Variants in SPEN observed in about 807,000 individuals in gnomAD.
The protein encoded by SPEN is spen family transcriptional repressor, also known as msx2-interacting protein.
A neutral mutation model predicts 269.9 loss-of-function variants in SPEN; 18 were observed. That is an observed-to-expected ratio of 0.07 (90% CI 0.05 to 0.10). The LOEUF is 0.10. SPEN is among the 10% of genes least tolerant of loss of function. SPEN has a pLI of 1.00. For synonymous variants in SPEN, 1,726 were observed against 1,765.7 expected (o/e 0.98, Z 0.56); for missense variants, 3,822 against 4,631.2 (o/e 0.83, Z 5.07).
intron 3 of SPEN, among the ~76,000 whole-genome samples, chr1:15,908,765 C>T (rs1408671676): frequency 1.3e-5 from 2 of 152,130 alleles, no homozygotes; most frequent in Admixed American, 1.3e-4. Context: ...TAATTATTTT[C>T]ATTTTACACA....
chr1:15,873,789 G>T (rs894059190), intron 2 of SPEN: 1 of 1,018,382 alleles, frequency 9.8e-7, no homozygotes, highest in African/African-American at 1.7e-5. Flanking sequence ...AAATTAAAAT[G>T]ATGGATGTTT....
chr1:15,867,398 A>T (rs1339774817), intron 1 of SPEN, among the ~76,000 whole-genome samples: 2 of 152,176 alleles, frequency 1.3e-5, no homozygotes, highest in Non-Finnish European at 2.9e-5. Context: ...GGGTTTCACC[A>T]TGTTGCGCAG....
intron 3 of SPEN, among the ~76,000 whole-genome samples, chr1:15,890,394 G>T (rs1241166401): frequency 6.6e-6 from 1 of 151,718 alleles, no homozygotes; most frequent in Non-Finnish European, 1.5e-5. Flanking sequence ...ACCACACCCA[G>T]CTAATTTTTG....
chr1:15,866,910 A>C (rs919810409), intron 1 of SPEN, among the ~76,000 whole-genome samples: 1 of 152,212 alleles, frequency 6.6e-6, no homozygotes. Context: ...CTTGTGACTA[A>C]AGGAGATATA....
intron 4 of SPEN, among the ~76,000 whole-genome samples, chr1:15,910,145 A>G (rs1031207464): frequency 2.0e-5 from 3 of 151,280 alleles, no homozygotes; most frequent in African/African-American, 7.3e-5. Flanking sequence ...AAAAAAAAAA[A>G]AAAAAATTAT....
chr1:15,902,207 G>C (rs1387391249), intron 3 of SPEN, among the ~76,000 whole-genome samples: 1 of 152,140 alleles, frequency 6.6e-6, no homozygotes, highest in African/African-American at 2.4e-5. Flanking sequence ...GGGATTACAG[G>C]CGTGAGCCAC....
At chr1:15,849,926 C>A (rs990682458) in intron 1 of SPEN, among the ~76,000 whole-genome samples, 1 of 152,166 alleles carries the variant, frequency 6.6e-6, no homozygotes, top group African/African-American at 2.4e-5. Context: ...TTGCAGCATT[C>A]GCTCGCTCCT....
intron 1 of SPEN, among the ~76,000 whole-genome samples, chr1:15,861,432 G>C (rs138014509): frequency 1.1e-3 from 170 of 152,148 alleles, no homozygotes; most frequent in African/African-American, 3.4e-3. Context: ...GCCTGGCCCA[G>C]ATACTTTTTT....
At chr1:15,879,936 C>T (rs1478975605) in intron 3 of SPEN, among the ~76,000 whole-genome samples, 5 of 152,194 alleles carry the variant, frequency 3.3e-5, no homozygotes, top group African/African-American at 1.2e-4. Context: ...TCCCAAAGTG[C>T]TGGGATTACA....
At position 15,930,387 on chromosome 1, in the gene SPEN, G is replaced by C; in HGVS notation, c.4147G>C (p.Asp1383His). 6.2e-7 allele frequency: 1 copy of C among 1,613,708 alleles called. No homozygotes were observed. Among genetic ancestry groups the C allele is most frequent in the South Asian group, 1.1e-5 (1 of 91,046 alleles). Reference protein sequence around the residue: ...LEPGEVPSDSDEDGEHKSHSP... With the variant: ...LEPGEVPSDSHEDGEHKSHSP... ...ACCTGGTGAGGTGCCTTCTGATTCTGACGAAGATGGTGAACACAAATCCCA... is the reference window on the plus strand; with the variant it reads ...ACCTGGTGAGGTGCCTTCTGATTCTCACGAAGATGGTGAACACAAATCCCA... Residue 1383 changes from aspartate (D) to histidine (H), a missense_variant, in exon 11 of 15, where the codon GAC (aspartate) becomes CAC (histidine). By Grantham distance (81) the Asp-to-His change is moderately conservative (BLOSUM62 -1). Around this residue, in one of 16 missense-constraint regions of SPEN, gnomAD observed 267 missense variants for 315.5 expected, o/e 0.85. Transcript: ENST00000375759. This position sits in a 1 kb window ranked among gnomAD's most constrained non-coding sequence, Gnocchi z 5.3.
Position 15,930,734 on chromosome 1 carries a change from G to A in SPEN, c.4494G>A (p.Lys1498=). The A allele has an allele frequency of 6.2e-7, 1 of 1,613,720 alleles. No homozygotes were observed. The highest frequency in any genetic ancestry group is 8.5e-7 in the Non-Finnish European group (1 of 1,179,870). The change falls in exon 11 of 15, where the codon AAG becomes AAA. Residue 1498 remains lysine, a synonymous_variant. Coordinates refer to ENST00000375759, the MANE Select transcript of SPEN (RefSeq NM_015001.3). This position sits in a 1 kb window ranked among gnomAD's most constrained non-coding sequence, Gnocchi z 5.3. ...TTCCATCCTGGTACATGAAAAAGAA[G>A]AAAATTAGGACTGATTCAGAAGGGA... The part of the protein sequence containing the change: ...RPIPSWYMKK[K]KIRTDSEGKM...
chr1:15,908,162 G>A (rs1003979139), intron 3 of SPEN, among the ~76,000 whole-genome samples: 29 of 151,532 alleles, frequency 1.9e-4, no homozygotes, highest in African/African-American at 7.1e-4. Context: ...TACCCATGAG[G>A]TAGTAGTGCT....
intron 2 of SPEN, chr1:15,874,288 G>C: frequency 7.3e-7 from 1 of 1,366,396 alleles, no homozygotes; most frequent in Non-Finnish European, 9.8e-7. Context: ...TGCCCATTAA[G>C]AAGGTGGATT....
chr1:15,926,358 A>C (rs149420571), intron 10 of SPEN, among the ~76,000 whole-genome samples: 19 of 151,768 alleles, frequency 1.3e-4, no homozygotes, highest in African/African-American at 4.6e-4. Flanking sequence ...AGATTGTGCC[A>C]CTGCACTCCA....
intron 7 of SPEN, 138 bp downstream of exon 7, chr1:15,919,189 G>T (rs2071093645): frequency 1.3e-6 from 1 of 795,526 alleles, no homozygotes; most frequent in African/African-American, 1.8e-5. Flanking sequence ...ATACTTCTTT[G>T]CATTCCTATC....
rs563720913 is a variant in SPEN, at chr1:15,932,077, C to G, written c.5837C>G (p.Thr1946Ser). The change falls in exon 11 of 15, where the codon ACC becomes AGC. Residue 1946 changes from threonine (T) to serine (S), a missense_variant. Coordinates refer to ENST00000375759, the MANE Select transcript of SPEN (RefSeq NM_015001.3). The surrounding 1 kb of genome is among the most constrained non-coding windows in gnomAD (Gnocchi z 4.2). ...CTTCAGGAGGCTGCAGCGGTTCCCA[C>G]CACCCCTCGGAGGGGAAGGCCTCCA... ...RELQEAAAVP[T>S]TPRRGRPPKT... 6.2e-7 allele frequency: 1 copy of G among 1,614,108 alleles called. No homozygotes were observed. The highest frequency in any genetic ancestry group is 2.2e-5 in the East Asian group (1 of 44,882).
At chr1:15,896,361 A>G (rs1291676592) in intron 3 of SPEN, among the ~76,000 whole-genome samples, 1 of 151,660 alleles carries the variant, frequency 6.6e-6, no homozygotes, top group South Asian at 2.1e-4. Flanking sequence ...ACTCTTGGCA[A>G]ATTTTTGTAT....
At chr1:15,854,100 C>T (rs1356064736) in intron 1 of SPEN, among the ~76,000 whole-genome samples, 1 of 152,110 alleles carries the variant, frequency 6.6e-6, no homozygotes, top group Non-Finnish European at 1.5e-5. Flanking sequence ...CATGCCCGGC[C>T]TGCTTGCTTT....
intron 3 of SPEN, among the ~76,000 whole-genome samples, chr1:15,909,097 G>A (rs778812846): frequency 1.3e-5 from 2 of 151,956 alleles, no homozygotes; most frequent in Non-Finnish European, 2.9e-5. Flanking sequence ...CACTTGCATT[G>A]GTGGTATGTG....
Sources: allele counts gnomAD v4.1 joint callset (sites outside exome capture counted in the v4.1 genomes callset), GRCh38; gene constraint gnomAD v4.1.1; regional missense constraint gnomAD v4.1.1; non-coding constraint Gnocchi (gnomAD v3.1); transcripts MANE v1.5; gene names NCBI Gene and HGNC (gene_info 2026-07-23, HGNC 2026-07-21).